The following DLC1 variants were observed in gnomAD, a reference collection of about 807,000 sequenced individuals.
DLC1 encodes DLC1 Rho GTPase activating protein, also known as rho GTPase-activating protein 7.
A neutral mutation model predicts 140.3 loss-of-function variants in DLC1; 54 were observed. That is an observed-to-expected ratio of 0.38 (90% CI 0.31 to 0.48). The LOEUF is 0.48. DLC1 is among the 20% of genes least tolerant of loss of function. DLC1 has a pLI of 0.96. For synonymous variants in DLC1, 986 were observed against 728.1 expected (o/e 1.35, Z -5.70); for missense variants, 2,536 against 1,907.0 (o/e 1.33, Z -6.14).
At chr8:13,509,249 A>G (rs1312446332) in intron 1 of DLC1, among the ~76,000 whole-genome samples, 1 of 152,230 alleles carries the variant, frequency 6.6e-6, no homozygotes. Flanking sequence ...CGCGTAAATA[A>G]CAGATATAGC....
At position 13,537,889 on chromosome 8, in the gene DLC1, C is replaced by T. The variant is rs192088823; in HGVS notation, c.-125-37693G>A. ...AGGATAGTCTACGATTTCCTGACCTCGTGATCCGCCCACCTCGGCCTCCCA... is the reference window on the plus strand; with the variant it reads ...AGGATAGTCTACGATTTCCTGACCTTGTGATCCGCCCACCTCGGCCTCCCA... On this transcript the variant is annotated intron_variant, in intron 1 of 1. Transcript: ENST00000631382. Among the ~76,000 whole-genome samples, 3 of 151,984 alleles carry T rather than the reference C, an allele frequency of 2.0e-5. No individual in the cohort carries two copies. The East Asian group carries it at 5.8e-4, about 30-fold the overall frequency.
intron 1 of DLC1, among the ~76,000 whole-genome samples, chr8:13,598,619 G>C (rs1463300355): frequency 3.3e-5 from 5 of 152,026 alleles, no homozygotes; most frequent in Non-Finnish European, 5.9e-5. Context: ...TCCATAAGCT[G>C]ATGAACACAT....
chr8:13,579,130 G>A (rs1382585055), intron 1 of DLC1, among the ~76,000 whole-genome samples: 1 of 148,980 alleles, frequency 6.7e-6, no homozygotes, highest in East Asian at 2.0e-4. Flanking sequence ...AAATGACAAC[G>A]GTGTTAGGAG....
At chr8:13,377,455 T>C (rs1366237211) in intron 4 of DLC1, among the ~76,000 whole-genome samples, 2 of 152,170 alleles carry the variant, frequency 1.3e-5, no homozygotes, top group Non-Finnish European at 2.9e-5. Context: ...TAACGGCTTT[T>C]ATAAACTACT....
chr8:13,393,633 T>C lies in DLC1; in HGVS notation c.1234A>G (p.Asn412Asp). Reference protein sequence around the residue: ...DTISVNQTRVNLSSDTESTDL... With the variant: ...DTISVNQTRVDLSSDTESTDL... ...GTGGACTCAGTGTCAGAAGACAAAT[T>C]TACTCGTGTCTGATTTACTGAAATG... is the stretch of plus-strand genomic sequence containing the variant. Residue 412 changes from asparagine to aspartate, a missense_variant, in exon 4 of 18, where the codon AAT (asparagine) becomes GAT (aspartate). By Grantham distance (23) the Asn-to-Asp change is conservative (BLOSUM62 1). Transcript: ENST00000276297. The C allele has an allele frequency of 1.2e-6, 2 of 1,614,114 alleles. No homozygotes were observed. Among genetic ancestry groups the C allele is most frequent in the South Asian group, 1.1e-5 (1 of 91,082 alleles).
Position 13,567,292 on chromosome 8 carries a change from C to A in DLC1, c.-126+37245G>T, listed in dbSNP as rs1245904497. 9.0e-6 allele frequency: 14 copies of A among 1,551,722 alleles called. No homozygotes were observed. In the East Asian group the frequency reaches 3.4e-4, roughly 38 times the overall value. On this transcript the variant is annotated intron_variant, in intron 1 of 1. Coordinates refer to the DLC1 transcript ENST00000631382. ...GCTCAAAGACTCTAACTTTGAACGGCACCAACCAGACACCAAACTTCCAAC... is the reference window on the plus strand; with the variant it reads ...GCTCAAAGACTCTAACTTTGAACGGAACCAACCAGACACCAAACTTCCAAC...
chr8:13,369,355 G>GAAAAA (rs1333516845), intron 4 of DLC1, among the ~76,000 whole-genome samples: 266 of 135,700 alleles, frequency 2.0e-3, no homozygotes, highest in East Asian at 4.3e-3. Context: ...TGGCTGGGTC[G>GAAAAA]AAAAAAAAAA....
At chr8:13,399,074 A>G (rs1264379055) in intron 3 of DLC1, among the ~76,000 whole-genome samples, 1 of 152,198 alleles carries the variant, frequency 6.6e-6, no homozygotes, top group African/African-American at 2.4e-5. Flanking sequence ...AAGGTGGTAC[A>G]GTGGTTCTGG....
intron 1 of DLC1, among the ~76,000 whole-genome samples, chr8:13,603,247 T>C (rs376400876): frequency 6.6e-6 from 1 of 151,892 alleles, no homozygotes; most frequent in Admixed American, 6.6e-5. Context: ...ATGATTAATA[T>C]CAGTTCATTC....
At chr8:13,491,845 C>A (rs1801261203) in intron 2 of DLC1, among the ~76,000 whole-genome samples, 1 of 152,166 alleles carries the variant, frequency 6.6e-6, no homozygotes, top group Non-Finnish European at 1.5e-5. Context: ...GGGTTCATGA[C>A]ACTTAGCATT....
chr8:13,311,763 G>C (rs1019593187), intron 4 of DLC1, among the ~76,000 whole-genome samples: 1 of 152,130 alleles, frequency 6.6e-6, no homozygotes, highest in Non-Finnish European at 1.5e-5. Context: ...AGATATTTTG[G>C]TGCTGCTCAC....
intron 5 of DLC1, among the ~76,000 whole-genome samples, chr8:13,227,231 G>T (rs1000867049): frequency 2.0e-5 from 3 of 152,088 alleles, no homozygotes; most frequent in African/African-American, 7.2e-5. Context: ...TCTTCCAAGT[G>T]TAGTCTCACC....
At chr8:13,216,097 G>A (rs990243470) in intron 5 of DLC1, among the ~76,000 whole-genome samples, 2 of 152,150 alleles carry the variant, frequency 1.3e-5, no homozygotes, top group African/African-American at 4.8e-5. Flanking sequence ...TTGCTGTCCT[G>A]TTCCAGATGG....
chr8:13,272,058 A>G (rs1047043573), intron 5 of DLC1, among the ~76,000 whole-genome samples: 1 of 152,228 alleles, frequency 6.6e-6, no homozygotes, highest in Non-Finnish European at 1.5e-5. Flanking sequence ...CTTATATGTC[A>G]TGTTCTCCAA....
Position 13,090,100 on chromosome 8 carries a change from CG to C in DLC1, c.4074+151del, listed in dbSNP as rs940973191. 29 of 662,042 alleles carry C rather than the reference CG, an allele frequency of 4.4e-5. No individual in the cohort carries two copies. The African/African-American group carries it at 5.1e-4, about 12-fold the overall frequency. The allele number at this position is 662,042 out of a possible 1,614,324, so 41.0% of individuals were successfully genotyped here. ...CTTTGCCCGGTTTCCACTCTCACCA[CG>C]GGGATCTTACTCACCCCGGTGCCCA... On this transcript the variant is annotated intron_variant, in intron 15 of 17. Coordinates refer to ENST00000276297, the MANE Select transcript of DLC1 (RefSeq NM_182643.3).
intron 1 of DLC1, among the ~76,000 whole-genome samples, chr8:13,578,304 C>T (rs1585295334): frequency 1.3e-5 from 2 of 152,186 alleles, no homozygotes; most frequent in South Asian, 4.1e-4. Context: ...AATCTCACTT[C>T]ACTGACACCA....
intron 1 of DLC1, among the ~76,000 whole-genome samples, chr8:13,536,496 T>G (rs954808388): frequency 1.3e-5 from 2 of 152,228 alleles, no homozygotes; most frequent in African/African-American, 4.8e-5. Context: ...TATTCAGTAT[T>G]TAATTGGAAC....
At chr8:13,421,828 C>A (rs2117348886) in intron 2 of DLC1, among the ~76,000 whole-genome samples, 1 of 152,200 alleles carries the variant, frequency 6.6e-6, no homozygotes, top group South Asian at 2.1e-4. Flanking sequence ...AACTCTTAAC[C>A]CTAATTTCTG....
At chr8:13,227,949 C>A (rs1001567932) in intron 5 of DLC1, among the ~76,000 whole-genome samples, 1 of 152,122 alleles carries the variant, frequency 6.6e-6, no homozygotes, top group Non-Finnish European at 1.5e-5. Context: ...TTAAGTGTGA[C>A]AAGATAGTCT....
Sources: gnomAD v4.1 joint callset for allele counts (sites outside exome capture counted in the v4.1 genomes callset) on GRCh38, gnomAD v4.1.1 for gene constraint, MANE v1.5 for transcripts, NCBI Gene and HGNC (gene_info 2026-07-23, HGNC 2026-07-21) for gene names.